Variants in TCOF1 observed in about 807,000 individuals in gnomAD.
The protein encoded by TCOF1 is treacle protein.
In TCOF1, 33 loss-of-function variants were observed where a neutral mutation model predicts 149.0. The observed-to-expected ratio is 0.22, with a 90% CI of 0.17 to 0.30. The LOEUF is 0.30. TCOF1 is among the 10% of genes least tolerant of loss of function. The pLI is 1.00. For synonymous variants in TCOF1, 789 were observed against 738.8 expected (o/e 1.07, Z -1.10); for missense variants, 1,728 against 1,840.7 (o/e 0.94, Z 1.12).
intron 1 of TCOF1, among the ~76,000 whole-genome samples, chr5:150,359,245 G>T (rs185649120): frequency 7.8e-4 from 119 of 151,744 alleles, no homozygotes; most frequent in African/African-American, 2.8e-3. Flanking sequence ...TACTCGGGAG[G>T]CTGAGTCAGG....
At chr5:150,393,673 C>A in intron 23 of TCOF1, 121 bp downstream of exon 23, 1 of 1,319,222 alleles carries the variant, frequency 7.6e-7, no homozygotes, top group Non-Finnish European at 1.1e-6. Flanking sequence ...CAGAGCCTCT[C>A]CAAGTGAGAC....
chr5:150,387,364 G>A (rs1766496180), intron 17 of TCOF1, among the ~76,000 whole-genome samples: 1 of 152,180 alleles, frequency 6.6e-6, no homozygotes, highest in Non-Finnish European at 1.5e-5. Flanking sequence ...TATAGCTGGG[G>A]AGTTTCATCC....
rs1040485284 is a variant in TCOF1, at chr5:150,368,090, G to C, written c.378+173G>C. 1.8e-5 allele frequency: 12 copies of C among 663,130 alleles called. No individual in the cohort carries two copies. The Middle Eastern group carries it at 1.5e-3, about 81-fold the overall frequency. The allele number at this position is 663,130 out of a possible 1,614,324, so 41.1% of individuals were successfully genotyped here. On this transcript the variant is annotated intron_variant, in intron 4 of 26. Coordinates refer to ENST00000643257, the MANE Select transcript of TCOF1 (RefSeq NM_001371623.1). ...AGTCCCTTCACCTCTCTGGGCCTCA[G>C]TTTACTTTTCTATAAAGATAAGGAT...
intron 17 of TCOF1, chr5:150,384,550 T>G (rs1765883050): frequency 1.0e-6 from 1 of 985,354 alleles, no homozygotes; most frequent in Non-Finnish European, 1.2e-6. Flanking sequence ...CTCTGAGGGA[T>G]CTAAACAACT....
rs866710762 is a variant in TCOF1 at position 150,379,710 on chromosome 5, C to T, written c.2837C>T (p.Pro946Leu). Reference sequence around the variant, plus strand: ...GAATCAGACAGTGATGGGGAGGCACCGGCAGCTGTGACCTCTGCCCAGGTA... The same window carrying T: ...GAATCAGACAGTGATGGGGAGGCACTGGCAGCTGTGACCTCTGCCCAGGTA... Reference protein sequence around the residue: ...SEESDSDGEAPAAVTSAQVIK... With the variant: ...SEESDSDGEALAAVTSAQVIK... The change falls in exon 17 of 27, where the codon CCG (proline) becomes CTG (leucine). Residue 946 changes from proline to leucine, a missense_variant. Physicochemically the swap from Pro to Leu is moderately conservative, Grantham distance 98. This residue lies in a region of TCOF1 where 1,696 missense variants were observed against 1,765.4 expected (regional missense o/e 0.96). Coordinates refer to ENST00000643257, the MANE Select transcript of TCOF1 (RefSeq NM_001371623.1). 6.8e-6 allele frequency: 11 copies of T among 1,614,012 alleles called. No individual in the cohort carries two copies. The highest frequency in any genetic ancestry group is 4.4e-5 in the South Asian group (4 of 91,088).
rs185764429 is a variant in TCOF1 at position 150,368,598 on chromosome 5, G to A, written c.379-118G>A. 19 of 1,149,272 alleles carry A rather than the reference G, an allele frequency of 1.7e-5. No individual in the cohort carries two copies. The African/African-American group carries it at 2.1e-4, about 13-fold the overall frequency. 71.2% of individuals were successfully genotyped at this position (1,149,272 alleles called of 1,614,324 possible). A position where few individuals can be genotyped will look rare whatever the true frequency, so the allele number is the denominator to read the frequency against. ...AAAGATTGGGAAACAGATTGAAGGG[G>A]TAGTTTACCCAAACTCACACAGCTA... On this transcript the variant is annotated intron_variant, in intron 4 of 26. Transcript: ENST00000643257.
chr5:150,367,003 C>A (rs1275775027), intron 3 of TCOF1, among the ~76,000 whole-genome samples: 1 of 151,758 alleles, frequency 6.6e-6, no homozygotes, highest in Non-Finnish European at 1.5e-5. Flanking sequence ...GAGACAATAC[C>A]CTGGTATAAA....
intron 17 of TCOF1, among the ~76,000 whole-genome samples, chr5:150,381,281 C>T (rs991695460): frequency 6.6e-6 from 1 of 152,208 alleles, no homozygotes; most frequent in African/African-American, 2.4e-5. Flanking sequence ...CTCCCTAGCC[C>T]TAACCTCTGC....
intron 2 of TCOF1, among the ~76,000 whole-genome samples, chr5:150,363,512 G>T (rs1049470850): frequency 1.2e-4 from 18 of 152,204 alleles, no homozygotes; most frequent in African/African-American, 4.3e-4. Flanking sequence ...CAGTTTTTGA[G>T]ACATGTGTGA....
intron 2 of TCOF1, among the ~76,000 whole-genome samples, chr5:150,363,245 C>T (rs979084176): frequency 6.6e-6 from 1 of 152,194 alleles, no homozygotes. Context: ...TAAATTGATA[C>T]ATGTAAAAAT....
intron 6 of TCOF1, 117 bp from the exon 7 acceptor site, chr5:150,371,889 C>T (rs914535290): frequency 1.0e-6 from 1 of 959,978 alleles, no homozygotes; most frequent in Middle Eastern, 2.1e-4. Flanking sequence ...CAGGGAGTTG[C>T]TTAAAAATCC....
In TCOF1 at chr5:150,400,158, C is replaced by T. The variant is rs1769474565; in HGVS notation, c.*371C>T. ...GCTCCACAGATCCAGCTAGGCCTGA[C>T]CTGTGCCTCATCCCGTGCCGCTCGG... On this transcript the variant is annotated 3_prime_UTR_variant, in exon 27 of 27. Coordinates refer to ENST00000643257, the MANE Select transcript of TCOF1 (RefSeq NM_001371623.1). 1 of 152,210 alleles carries T rather than the reference C, an allele frequency of 6.6e-6. No individual in the cohort carries two copies. Among genetic ancestry groups the T allele is most frequent in the Non-Finnish European group, 1.5e-5 (1 of 68,044 alleles). 9.4% of individuals were successfully genotyped at this position (152,210 alleles called of 1,614,324 possible).
chr5:150,383,147 G>T lies in TCOF1; in HGVS notation c.2859+3415G>T, dbSNP rs1303799152. 4.6e-6 allele frequency: 7 copies of T among 1,536,052 alleles called. 1 individual carries two copies. In the South Asian group the frequency reaches 8.3e-5, roughly 18 times the overall value. ...AACACGGAGGGGTCCTCGGAGAGCA[G>T]TGAGGAAGAGCTGCCACTGACCCAG... On this transcript the variant is annotated intron_variant, in intron 17 of 26. Coordinates refer to ENST00000643257, the MANE Select transcript of TCOF1 (RefSeq NM_001371623.1).
At chr5:150,397,928 A>G (rs1034708825) in intron 24 of TCOF1, among the ~76,000 whole-genome samples, 1 of 151,934 alleles carries the variant, frequency 6.6e-6, no homozygotes, top group African/African-American at 2.4e-5. Flanking sequence ...AGCCTGTTTT[A>G]TTTTTATTTT....
In TCOF1 at chr5:150,374,208, C is replaced by A; in HGVS notation, c.905C>A (p.Ala302Asp). ...TCTGAAAAAATTCTCCAGGTCAGAG[C>A]TGCCTCAGCCCCTGCCAAGGGGACC... is the stretch of plus-strand genomic sequence containing the variant. ...KASEKILQVR[A>D]ASAPAKGTPG... The change falls in exon 8 of 27, where the codon GCT becomes GAT. Residue 302 changes from alanine to aspartate, a missense_variant. Ala to Asp is a moderately radical substitution (Grantham distance 126). This residue lies in a region of TCOF1 where 1,696 missense variants were observed against 1,765.4 expected (regional missense o/e 0.96). Coordinates refer to ENST00000643257, the MANE Select transcript of TCOF1 (RefSeq NM_001371623.1). The A allele has an allele frequency of 6.2e-7, 1 of 1,612,816 alleles. No individual in the cohort carries two copies.
chr5:150,383,704 C>G (rs1021352357), intron 17 of TCOF1: 1 of 1,550,652 alleles, frequency 6.4e-7, no homozygotes. Context: ...ACGCTGGTCC[C>G]CTGGCTCCCT....
At chr5:150,390,070 C>T (rs776643573) in intron 19 of TCOF1, 47 bp downstream of exon 19, 1 of 1,564,274 alleles carries the variant, frequency 6.4e-7, no homozygotes, top group Non-Finnish European at 8.7e-7. Context: ...GGGGTGGGGC[C>T]CTACTTCCAT....
At chr5:150,374,123 C>G in intron 7 of TCOF1, 51 bp from the exon 8 acceptor site, 1 of 1,570,460 alleles carries the variant, frequency 6.4e-7, no homozygotes, top group East Asian at 2.3e-5. Context: ...AAAGGCATCA[C>G]CAGAGAGTTT....
Position 150,368,727 on chromosome 5 carries a change from G to C in TCOF1, c.390G>C (p.Glu130Asp), listed in dbSNP as rs751207049. ...SMKEKAKAETEKAGKTGNSMP... is the reference protein window; with the variant it reads ...SMKEKAKAETDKAGKTGNSMP... ...CTTGTTCTCTGTAGGCAGAGACAGA[G>C]AAAGCTGGCAAGACTGGGAATTCCA... Residue 130 changes from glutamate to aspartate, a missense_variant, in exon 5 of 27, where the codon GAG becomes GAC. Physicochemically the swap from Glu to Asp is conservative, Grantham distance 45. Around this residue, in one of 2 missense-constraint regions of TCOF1, gnomAD observed 1,696 missense variants for 1,765.4 expected, o/e 0.96. Transcript: ENST00000643257. 2 of 1,614,028 alleles carry C rather than the reference G, an allele frequency of 1.2e-6. No homozygotes were observed. Among genetic ancestry groups the C allele is most frequent in the South Asian group, 2.2e-5 (2 of 91,078 alleles).
Sources: allele counts gnomAD v4.1 joint callset (sites outside exome capture counted in the v4.1 genomes callset), GRCh38; gene constraint gnomAD v4.1.1; regional missense constraint gnomAD v4.1.1; transcripts MANE v1.5; gene names NCBI Gene and HGNC (gene_info 2026-07-23, HGNC 2026-07-21).